The following FRMD3 variants were observed in gnomAD, a reference collection of about 807,000 sequenced individuals.
FRMD3 encodes the protein FERM domain containing 3.
In FRMD3, 33 loss-of-function variants were observed where a neutral mutation model predicts 70.2. That is an observed-to-expected ratio of 0.47 (90% CI 0.36 to 0.63). FRMD3 has a LOEUF of 0.63. Among genes scored for constraint, FRMD3 ranks in the 20% least tolerant of loss-of-function variants. FRMD3 has a pLI of 0.00. For synonymous variants in FRMD3, 279 were observed against 255.9 expected (o/e 1.09, Z -0.86); for missense variants, 632 against 711.4 (o/e 0.89, Z 1.27).
rs369264127 is a variant in FRMD3, at chr9:83,310,553, G to A, written c.774-5C>T. ...TTCAATTTGCAGACATCTGGCCTAA[G>A]AAAAGAAAATCTCTGGGTAAGAAGA... is the stretch of plus-strand genomic sequence containing the variant. On this transcript the variant is annotated splice_region_variant and splice_polypyrimidine_tract_variant and intron_variant, in intron 8 of 13. Transcript: ENST00000304195. 1.2e-4 allele frequency: 195 copies of A among 1,587,270 alleles called. No individual in the cohort carries two copies. Among genetic ancestry groups the A allele is most frequent in the Non-Finnish European group, 1.6e-4 (189 of 1,172,988 alleles).
rs1395624359 is a variant in FRMD3 at position 83,248,075 on chromosome 9, A to G, written c.1637T>C (p.Leu546Pro). 2 of 1,614,166 alleles carry G rather than the reference A, an allele frequency of 1.2e-6. No homozygotes were observed. Among genetic ancestry groups the G allele is most frequent in the Non-Finnish European group, 1.7e-6 (2 of 1,180,026 alleles). ...AATACCTGACTCCAAAAGGAGGAGG[A>G]GCAGGGGAAATACAAAGAGCAGCAG... ...LGLLLFVFPL[L>P]LLLLESGIDL... Residue 546 changes from leucine to proline, a missense_variant, in exon 14 of 14, where the codon CTC becomes CCC. Around this residue, in one of 3 missense-constraint regions of FRMD3, gnomAD observed 418 missense variants for 442.1 expected, o/e 0.95. Transcript: ENST00000304195.
At chr9:83,357,207 T>A (rs1456292223) in intron 3 of FRMD3, among the ~76,000 whole-genome samples, 20 of 102,742 alleles carry the variant, frequency 1.9e-4, no homozygotes, top group African/African-American at 7.0e-4. Flanking sequence ...ATATATAACA[T>A]ACATGGAATA....
intron 13 of FRMD3, chr9:83,281,719 G>A (rs972692652): frequency 6.6e-6 from 1 of 152,276 alleles, no homozygotes; most frequent in Non-Finnish European, 1.5e-5. Context: ...CCAGAAGGGA[G>A]CGAGCTTCCT....
chr9:83,403,107 T>A (rs1244654911), intron 1 of FRMD3, among the ~76,000 whole-genome samples: 1 of 152,002 alleles, frequency 6.6e-6, no homozygotes. Context: ...TTTCATCATA[T>A]TGGCCAGGCT....
At chr9:83,287,727 C>T (rs371805677) in intron 13 of FRMD3, among the ~76,000 whole-genome samples, 3 of 152,226 alleles carry the variant, frequency 2.0e-5, no homozygotes, top group African/African-American at 7.2e-5. Flanking sequence ...ATGTCAGACA[C>T]TCCAATGGGA....
chr9:83,413,536 G>T (rs13440167), intron 1 of FRMD3, among the ~76,000 whole-genome samples: 6,362 of 152,246 alleles, frequency 0.042, 462 homozygotes, highest in African/African-American at 0.14. Context: ...CTTTTAGTAA[G>T]GATAATCGCT....
At chr9:83,366,741 A>G (rs1441549366) in intron 3 of FRMD3, among the ~76,000 whole-genome samples, 1 of 152,216 alleles carries the variant, frequency 6.6e-6, no homozygotes, top group East Asian at 1.9e-4. Flanking sequence ...TAACTTTAAA[A>G]GTTTTTTCAT....
chr9:83,301,899 G>A (rs757052604), intron 10 of FRMD3, among the ~76,000 whole-genome samples: 19 of 152,242 alleles, frequency 1.2e-4, no homozygotes, highest in Non-Finnish European at 2.9e-5. Flanking sequence ...TTCTGGCTGC[G>A]GGTTCCCCTG....
chr9:83,415,914 C>T (rs2131347870), intron 1 of FRMD3, among the ~76,000 whole-genome samples: 1 of 152,282 alleles, frequency 6.6e-6, no homozygotes, highest in African/African-American at 2.4e-5. Flanking sequence ...ATGGTGCTGA[C>T]TCCTGTCCAA....
chr9:83,412,939 G>C (rs1318218553), intron 1 of FRMD3, among the ~76,000 whole-genome samples: 1 of 151,982 alleles, frequency 6.6e-6, no homozygotes, highest in Non-Finnish European at 1.5e-5. Context: ...AGGTTGCAGT[G>C]AGCCGAGATC....
At chr9:83,314,153 T>C (rs963789929) in intron 6 of FRMD3, among the ~76,000 whole-genome samples, 11 of 152,152 alleles carry the variant, frequency 7.2e-5, no homozygotes, top group African/African-American at 2.7e-4. Context: ...TGCACAATCC[T>C]GTTACCCCAT....
At chr9:83,298,959 G>T in intron 11 of FRMD3, 143 bp from the exon 12 acceptor site, 1 of 997,958 alleles carries the variant, frequency 1.0e-6, no homozygotes. Flanking sequence ...TAGAATTTGA[G>T]GGTGCCCTGT....
intron 1 of FRMD3, among the ~76,000 whole-genome samples, chr9:83,412,856 A>G (rs925050618): frequency 6.6e-6 from 1 of 152,128 alleles, no homozygotes; most frequent in Non-Finnish European, 1.5e-5. Flanking sequence ...TTAGCCGGGC[A>G]TGGTGGCACA....
intron 12 of FRMD3, among the ~76,000 whole-genome samples, chr9:83,292,471 A>G (rs1834466442): frequency 6.6e-6 from 1 of 151,278 alleles, no homozygotes; most frequent in Non-Finnish European, 1.5e-5. Context: ...CAAGAAACAC[A>G]TTTTATATAA....
chr9:83,442,575 T>C (rs775975253), intron 1 of FRMD3, among the ~76,000 whole-genome samples: 1 of 152,010 alleles, frequency 6.6e-6, no homozygotes, highest in Non-Finnish European at 1.5e-5. Context: ...TCTAAACTAA[T>C]AGGGAGGAAA....
chr9:83,249,485 A>G (rs1832300003), intron 13 of FRMD3, among the ~76,000 whole-genome samples: 1 of 152,208 alleles, frequency 6.6e-6, no homozygotes, highest in African/African-American at 2.4e-5. Flanking sequence ...AATGGCAGCC[A>G]GGTGCATTTC....
At chr9:83,298,962 T>C in intron 11 of FRMD3, 146 bp from the exon 12 acceptor site, 5 of 983,954 alleles carry the variant, frequency 5.1e-6, no homozygotes, top group Non-Finnish European at 8.0e-6. Flanking sequence ...AATTTGAGGG[T>C]GCCCTGTGAG....
chr9:83,543,041 A>T (rs2131574507), upstream of FRMD3, among the ~76,000 whole-genome samples: 3 of 152,202 alleles, frequency 2.0e-5, no homozygotes, highest in South Asian at 6.2e-4. Flanking sequence ...TGGTGATAAA[A>T]ATCAACAAAC....
chr9:83,538,589 C>A, upstream of FRMD3: 1 of 179,036 alleles, frequency 5.6e-6, no homozygotes, highest in Non-Finnish European at 1.2e-5. The surrounding 1 kb of genome is among the most constrained non-coding windows in gnomAD (Gnocchi z 4.7). Context: ...AAGGAGGAGG[C>A]GGAGGGATGG....
Sources: gnomAD v4.1 joint callset for allele counts (sites outside exome capture counted in the v4.1 genomes callset) on GRCh38, gnomAD v4.1.1 for gene constraint, gnomAD v4.1.1 regional missense constraint, Gnocchi (gnomAD v3.1) non-coding constraint, MANE v1.5 for transcripts, NCBI Gene and HGNC (gene_info 2026-07-23, HGNC 2026-07-21) for gene names.